Variants in BPIFC observed in about 807,000 individuals in gnomAD.
BPIFC encodes the protein BPI fold-containing family C protein.
A neutral mutation model predicts 57.6 loss-of-function variants in BPIFC; 60 were observed. The observed-to-expected ratio is 1.04, with a 90% confidence interval of 0.85 to 1.29. The LOEUF is 1.29. Ranked by LOEUF, BPIFC falls within the 50% of genes most tolerant of loss-of-function variation. BPIFC has a pLI of 0.00. For missense variants in BPIFC, 581 were observed against 600.5 expected (o/e 0.97, Z 0.34); for synonymous variants, 243 against 224.5 (o/e 1.08, Z -0.74).
intron 12 of BPIFC, 25 bp from the exon 13 acceptor site, chr22:32,431,439 A>ATTTATTTATTTTATTTTATTTTTTTTTTT: frequency 7.4e-7 from 1 of 1,343,078 alleles, no homozygotes; most frequent in Non-Finnish European, 1.1e-6. Flanking sequence ...AGCATTTATT[A>ATTTATTTATTTTATTTTATTTTTTTTTTT]TTAAGACGAG....
rs572215043 is a variant in BPIFC, at chr22:32,431,439, A to G, written c.1150-25T>C. On this transcript the variant is annotated intron_variant, in intron 12 of 16. Coordinates refer to ENST00000300399, the MANE Select transcript of BPIFC (RefSeq NM_174932.3). ...CCTATAGACAATAAAAGCATTTATT[A>G]TTAAGACGAGTGAGTGTCAATTTTG... 34 of 1,349,634 alleles carry G rather than the reference A, an allele frequency of 2.5e-5. 2 individuals are homozygous for G. In the East Asian group the frequency reaches 6.7e-4, roughly 27 times the overall value. 83.6% of individuals were successfully genotyped at this position (1,349,634 alleles called of 1,614,324 possible). A position where few individuals can be genotyped will look rare whatever the true frequency, so the allele number is the denominator to read the frequency against.
chr22:32,445,579 G>T, intron 7 of BPIFC, 56 bp downstream of exon 7: 1 of 1,431,314 alleles, frequency 7.0e-7, no homozygotes, highest in Non-Finnish European at 9.7e-7. Context: ...ATTAAAGGAT[G>T]ATAGAACTTC....
intron 16 of BPIFC, 46 bp downstream of exon 16, chr22:32,415,869 T>C: frequency 7.3e-7 from 1 of 1,367,558 alleles, no homozygotes; most frequent in Non-Finnish European, 1.0e-6. Flanking sequence ...CTTAGTCTAC[T>C]ATAAAAAGAA....
chr22:32,446,721 G>A (rs373097769), intron 5 of BPIFC: 2 of 984,808 alleles, frequency 2.0e-6, no homozygotes, highest in East Asian at 1.1e-4. Context: ...CAACTGGCCT[G>A]TAAAAGTACC....
chr22:32,456,467 C>CATTT (rs1886000036), intron 3 of BPIFC, among the ~76,000 whole-genome samples: 1 of 126,852 alleles, frequency 7.9e-6, no homozygotes, highest in Middle Eastern at 4.7e-3. Context: ...TCCCTTCCCT[C>CATTT]ATTTATTTAT....
At chr22:32,433,338 G>C (rs1373174908) in intron 11 of BPIFC, among the ~76,000 whole-genome samples, 1 of 152,206 alleles carries the variant, frequency 6.6e-6, no homozygotes, top group East Asian at 1.9e-4. Context: ...TCAATACTTA[G>C]TGTGCTACGA....
chr22:32,417,858 CT>C (rs1002094238), intron 14 of BPIFC, among the ~76,000 whole-genome samples: 25 of 149,590 alleles, frequency 1.7e-4, no homozygotes, highest in African/African-American at 4.2e-4. Context: ...CCCAATTTTT[CT>C]TTTTTTTTTA....
chr22:32,445,540 AAAAC>A (rs752004300), intron 7 of BPIFC, 91 bp downstream of exon 7: 112 of 1,337,536 alleles, frequency 8.4e-5, no homozygotes, highest in East Asian at 4.4e-4. Context: ...CTGTCTCAAA[AAAAC>A]AAACAAACAA....
chr22:32,454,241 C>T (rs1934977268), intron 3 of BPIFC, among the ~76,000 whole-genome samples: 1 of 152,022 alleles, frequency 6.6e-6, no homozygotes, highest in Non-Finnish European at 1.5e-5. Flanking sequence ...ACTCTTTTTT[C>T]CTTTCAGATT....
intron 14 of BPIFC, among the ~76,000 whole-genome samples, chr22:32,417,776 T>C (rs1426918376): frequency 3.3e-5 from 5 of 152,174 alleles, no homozygotes; most frequent in Non-Finnish European, 5.9e-5. Flanking sequence ...TCCCTTTACT[T>C]ACTGGGAATC....
At chr22:32,420,702 G>A (rs1933823370) in intron 13 of BPIFC, among the ~76,000 whole-genome samples, 1 of 152,228 alleles carries the variant, frequency 6.6e-6, no homozygotes. Context: ...ATAGCTAGAG[G>A]GAAGATAGAA....
chr22:32,440,292 G>C (rs1335142349), intron 8 of BPIFC, among the ~76,000 whole-genome samples: 1 of 146,312 alleles, frequency 6.8e-6, no homozygotes, highest in Non-Finnish European at 1.5e-5. Context: ...ACGCCACCAT[G>C]CCTGGCTAAT....
intron 4 of BPIFC, among the ~76,000 whole-genome samples, chr22:32,447,587 T>G (rs1934765140): frequency 6.6e-6 from 1 of 151,426 alleles, no homozygotes; most frequent in Admixed American, 6.6e-5. Context: ...ATATATGTAA[T>G]TTTTCTTCTC....
intron 13 of BPIFC, among the ~76,000 whole-genome samples, chr22:32,419,980 A>G (rs1933795618): frequency 6.6e-6 from 1 of 152,074 alleles, no homozygotes; most frequent in Non-Finnish European, 1.5e-5. Context: ...GGCGTTTGCT[A>G]CACGGAACTT....
At chr22:32,421,242 T>A (rs190669886) in intron 13 of BPIFC, among the ~76,000 whole-genome samples, 1 of 152,250 alleles carries the variant, frequency 6.6e-6, no homozygotes, top group East Asian at 1.9e-4. Context: ...ATATACACAG[T>A]TGATTTTTCT....
At chr22:32,429,756 C>A (rs1303636574) in intron 13 of BPIFC, among the ~76,000 whole-genome samples, 1 of 151,914 alleles carries the variant, frequency 6.6e-6, no homozygotes, top group African/African-American at 2.4e-5. Context: ...ACCTCATCAT[C>A]TACTTGTCTC....
At position 32,453,429 on chromosome 22, in the gene BPIFC, A is replaced by C; in HGVS notation, c.199T>G (p.Ser67Ala). The C allele has an allele frequency of 6.2e-7, 1 of 1,604,958 alleles. No individual in the cohort carries two copies. The highest frequency in any genetic ancestry group is 8.5e-7 in the Non-Finnish European group (1 of 1,177,792). Residue 67 changes from serine (S) to alanine (A), a missense_variant, in exon 4 of 17, where the codon TCT becomes GCT. Coordinates refer to ENST00000300399, the MANE Select transcript of BPIFC (RefSeq NM_174932.3). ...KKLPDLSGSESLEFLKVDYVN... is the reference protein window; with the variant it reads ...KKLPDLSGSEALEFLKVDYVN... ...TAATCAACTTTTAGAAATTCAAGAG[A>C]CTCAGAACCGCTTAAATCTGGGAGT... is the stretch of plus-strand genomic sequence containing the variant.
chr22:32,464,212 C>G (rs1935214999), intron 1 of BPIFC, among the ~76,000 whole-genome samples, 162 bp downstream of exon 1: 1 of 152,252 alleles, frequency 6.6e-6, no homozygotes, highest in South Asian at 2.1e-4. Context: ...TATGTGACAT[C>G]ACACAAACAA....
intron 13 of BPIFC, among the ~76,000 whole-genome samples, chr22:32,428,250 CGT>C (rs34028436): frequency 0.039 from 5,551 of 143,196 alleles, 166 homozygotes; most frequent in African/African-American, 0.092. Flanking sequence ...TACATTAAAA[CGT>C]GTGTGTGTGT....
Sources: allele counts gnomAD v4.1 joint callset (sites outside exome capture counted in the v4.1 genomes callset), GRCh38; gene constraint gnomAD v4.1.1; transcripts MANE v1.5; gene names NCBI Gene and HGNC (gene_info 2026-07-23, HGNC 2026-07-21).